Variants in FOSL1 observed in about 807,000 individuals in gnomAD.
The protein encoded by FOSL1 is fos-related antigen 1.
In FOSL1, 14 loss-of-function variants were observed where a neutral mutation model predicts 24.9. The ratio of observed to expected loss-of-function variants is 0.56; its 90% CI spans 0.37 to 0.88. The LOEUF (loss-of-function observed/expected upper bound fraction) is 0.88. Among genes scored for constraint, FOSL1 ranks in the 40% least tolerant of loss-of-function variants. The pLI is 0.00. For synonymous variants in FOSL1, 133 were observed against 145.1 expected (o/e 0.92, Z 0.60); for missense variants, 318 against 359.8 (o/e 0.88, Z 0.94).
intron 2 of FOSL1, 26 bp from the exon 3 acceptor site, chr11:65,894,147 G>A (rs776577128): frequency 3.2e-6 from 5 of 1,549,642 alleles, no homozygotes; most frequent in Non-Finnish European, 4.4e-6. Flanking sequence ...GCAGTGAGGA[G>A]GACCCTGGGC....
intron 1 of FOSL1, among the ~76,000 whole-genome samples, chr11:65,899,538 G>T (rs1860618311): frequency 6.6e-6 from 1 of 152,234 alleles, no homozygotes; most frequent in Non-Finnish European, 1.5e-5. Context: ...GCCGTTAGGG[G>T]CTGAGAGTGG....
At chr11:65,900,031 C>T (rs1420502173) in intron 1 of FOSL1, among the ~76,000 whole-genome samples, 1 of 152,166 alleles carries the variant, frequency 6.6e-6, no homozygotes, top group Non-Finnish European at 1.5e-5. Context: ...GAGAAGGGGG[C>T]GGCTGGGAGA....
In FOSL1 at chr11:65,898,971, AAAAAAAG is replaced by A. The variant is rs1159618607; in HGVS notation, c.99+1263_99+1269del. 1.6e-3 allele frequency among the ~76,000 whole-genome samples: 153 copies of A among 93,780 alleles called. 5 individuals are homozygous for A. Among genetic ancestry groups the A allele is most frequent in the African/African-American group, 3.7e-3 (127 of 34,030 alleles). 61.5% of individuals were successfully genotyped at this position (93,780 alleles called of 152,430 possible). A position where few individuals can be genotyped will look rare whatever the true frequency, so the allele number is the denominator to read the frequency against. The stretch of plus-strand genomic sequence containing the variant: ...GGGAGACCCTGTCTCAGAAAAAAAA[AAAAAAAG>A]AAAAGAAAGAGAAGGAAAGAAAATT... On this transcript the variant is annotated intron_variant, in intron 1 of 3. Transcript: ENST00000312562.
chr11:65,896,727 G>T, intron 2 of FOSL1, 82 bp downstream of exon 2: 4 of 1,198,560 alleles, frequency 3.3e-6, no homozygotes, highest in South Asian at 1.5e-5. Context: ...CTAAGCCTGT[G>T]CTCTCCTTTC....
intron 1 of FOSL1, 100 bp from the exon 2 acceptor site, chr11:65,897,106 C>T: frequency 1.1e-6 from 1 of 874,354 alleles, no homozygotes; most frequent in South Asian, 1.5e-5. Context: ...AATGTACAGG[C>T]TAGCTCTGGG....
chr11:65,898,433 C>A (rs1860586756), intron 1 of FOSL1, among the ~76,000 whole-genome samples: 1 of 152,182 alleles, frequency 6.6e-6, no homozygotes. Context: ...AGTCCACCCA[C>A]CTCAGCCTCC....
intron 1 of FOSL1, among the ~76,000 whole-genome samples, chr11:65,898,182 A>AGG (rs1860580018): frequency 6.6e-6 from 1 of 151,644 alleles, no homozygotes; most frequent in Admixed American, 6.6e-5. Context: ...CTGGGACTAC[A>AGG]GGCGCCCACA....
At position 65,900,269 on chromosome 11, in the gene FOSL1, G is replaced by A. The variant is rs1860640170; in HGVS notation, c.71C>T (p.Pro24Leu). 4 of 1,244,254 alleles carry A rather than the reference G, an allele frequency of 3.2e-6. No individual in the cohort carries two copies. The highest frequency in any genetic ancestry group is 4.0e-6 in the Non-Finnish European group (4 of 993,952). The allele number at this position is 1,244,254 out of a possible 1,614,324, so 77.1% of individuals were successfully genotyped here. Residue 24 changes from proline to leucine, a missense_variant, in exon 1 of 4, where the codon CCC becomes CTC. Pro to Leu is a moderately conservative substitution (Grantham distance 98). Transcript: ENST00000312562. ...NGGGYGGPAQ[P>L]PAAAQAAQQK... ...CTGGGCTGCCTGCGCTGCGGCCGGGGGCTGCGCGGGGCCGCCGTACCCGCC... is the reference window on the plus strand; with the variant it reads ...CTGGGCTGCCTGCGCTGCGGCCGGGAGCTGCGCGGGGCCGCCGTACCCGCC...
intron 1 of FOSL1, among the ~76,000 whole-genome samples, chr11:65,898,375 G>A (rs1860585468): frequency 6.6e-6 from 1 of 151,914 alleles, no homozygotes; most frequent in Non-Finnish European, 1.5e-5. Context: ...TGTAGAGACA[G>A]GGTCTCACTA....
At position 65,898,043 on chromosome 11, in the gene FOSL1, C is replaced by CCGTTTTTTTTTT. The variant is rs1416098633; in HGVS notation, c.100-1038_100-1037insAAAAAAAAAACG. On this transcript the variant is annotated intron_variant, in intron 1 of 3. Coordinates refer to ENST00000312562, the MANE Select transcript of FOSL1 (RefSeq NM_005438.5). ...ATTTGGCTAATTTTTTTTTTCTTTT[C>CCGTTTTTTTTTT]TGTTTTTTTTTTTTTGAGACACAGT... is the stretch of plus-strand genomic sequence containing the variant. Among the ~76,000 whole-genome samples, 197 of 79,636 alleles carry CCGTTTTTTTTTT rather than the reference C, an allele frequency of 2.5e-3. 30 individuals are homozygous for CCGTTTTTTTTTT. The highest frequency in any genetic ancestry group is 7.4e-3 in the Middle Eastern group (1 of 136). 52.2% of individuals were successfully genotyped at this position (79,636 alleles called of 152,430 possible). A position where few individuals can be genotyped will look rare whatever the true frequency, so the allele number is the denominator to read the frequency against.
At chr11:65,896,773 C>G (rs763900378) in intron 2 of FOSL1, 36 bp downstream of exon 2, 1 of 1,523,318 alleles carries the variant, frequency 6.6e-7, no homozygotes, top group Admixed American at 1.9e-5. Context: ...CACTCCTGGG[C>G]GGGGTCGGAA....
At chr11:65,899,058 G>A (rs940940600) in intron 1 of FOSL1, among the ~76,000 whole-genome samples, 5 of 151,822 alleles carry the variant, frequency 3.3e-5, no homozygotes, top group East Asian at 1.9e-4. Flanking sequence ...CTTCGATTCC[G>A]TGAAATATGG....
intron 2 of FOSL1, among the ~76,000 whole-genome samples, chr11:65,896,456 C>A (rs1383885032): frequency 2.0e-5 from 3 of 152,092 alleles, no homozygotes; most frequent in East Asian, 3.9e-4. Context: ...CAGGTGGAGA[C>A]CCCCTCACCA....
intron 2 of FOSL1, among the ~76,000 whole-genome samples, chr11:65,896,293 G>A (rs1343762143): frequency 1.3e-5 from 2 of 152,130 alleles, no homozygotes; most frequent in Non-Finnish European, 2.9e-5. Flanking sequence ...CATTTCTTTG[G>A]TGGAAGATGG....
At chr11:65,895,665 A>G (rs1860508194) in intron 2 of FOSL1, among the ~76,000 whole-genome samples, 1 of 152,228 alleles carries the variant, frequency 6.6e-6, no homozygotes, top group African/African-American at 2.4e-5. Flanking sequence ...AAGGACGCAC[A>G]GGAGGGTTTA....
chr11:65,898,921 A>G (rs618544), intron 1 of FOSL1, among the ~76,000 whole-genome samples: 1 of 147,318 alleles, frequency 6.8e-6, no homozygotes, highest in Non-Finnish European at 1.5e-5. Context: ...TGATTGCACC[A>G]CTGCTCTATA....
At chr11:65,896,665 C>T in intron 2 of FOSL1, 144 bp downstream of exon 2, 1 of 601,408 alleles carries the variant, frequency 1.7e-6, no homozygotes, top group Non-Finnish European at 2.8e-6. Context: ...CGTGGGGCTC[C>T]TATCACTTTC....
rs533248744 is a variant in FOSL1 at position 65,900,323 on chromosome 11, C to T, written c.17G>A (p.Gly6Glu). ...GTTCCCGGAGCTCGGGCCGGGTTCC[C>T]CGAAGTCTCGGAACATGCCCGGGGC... MFRDF[G>E]EPGPSSGNGG... is the part of the protein sequence containing the mutation. Residue 6 changes from glycine (G) to glutamate (E), a missense_variant, in exon 1 of 4, where the codon GGG becomes GAG. By Grantham distance (98) the Gly-to-Glu change is moderately conservative. Transcript: ENST00000312562. 7.2e-6 allele frequency: 9 copies of T among 1,243,190 alleles called. No homozygotes were observed. Among genetic ancestry groups the T allele is most frequent in the African/African-American group, 1.5e-5 (1 of 64,584 alleles). 77.0% of individuals were successfully genotyped at this position (1,243,190 alleles called of 1,614,324 possible).
chr11:65,899,469 C>T (rs1400412708), intron 1 of FOSL1, among the ~76,000 whole-genome samples: 1 of 152,226 alleles, frequency 6.6e-6, no homozygotes, highest in Admixed American at 6.5e-5. Context: ...GTGCTCGCAG[C>T]CCCTCGACAG....
Sources: allele counts gnomAD v4.1 joint callset (sites outside exome capture counted in the v4.1 genomes callset), GRCh38; gene constraint gnomAD v4.1.1; transcripts MANE v1.5; gene names NCBI Gene and HGNC (gene_info 2026-07-23, HGNC 2026-07-21).